Variants in ADCY2 observed in about 807,000 individuals in gnomAD.
ADCY2 encodes the protein adenylate cyclase type 2.
Under a neutral mutation model 125.2 loss-of-function variants are expected in ADCY2, and 31 were observed. The ratio of observed to expected loss-of-function variants is 0.25; its 90% confidence interval spans 0.19 to 0.33. The LOEUF is 0.33. Among genes scored for constraint, ADCY2 ranks in the 10% least tolerant of loss-of-function variants. ADCY2 has a pLI of 1.00. For synonymous variants in ADCY2, 512 were observed against 548.4 expected, an observed-to-expected ratio of 0.93 and a Z score of 0.93; for missense variants, 904 against 1,418.2, an observed-to-expected ratio of 0.64 and a Z score of 5.82.
At chr5:7,821,149 T>A (rs979255193) in intron 24 of ADCY2, among the ~76,000 whole-genome samples, 2 of 152,160 alleles carry the variant, frequency 1.3e-5, no homozygotes, top group Non-Finnish European at 2.9e-5. Context: ...AAGGTTGATA[T>A]GAATGGCAGC....
intron 11 of ADCY2, among the ~76,000 whole-genome samples, chr5:7,713,747 A>C (rs1741513407): frequency 6.6e-6 from 1 of 152,154 alleles, no homozygotes; most frequent in Non-Finnish European, 1.5e-5. Context: ...TTTGGGAGTT[A>C]ATCAAATCAA....
intron 2 of ADCY2, among the ~76,000 whole-genome samples, chr5:7,486,595 G>C (rs971507229): frequency 6.6e-6 from 1 of 152,176 alleles, no homozygotes; most frequent in Non-Finnish European, 1.5e-5. Flanking sequence ...TGTGGAAACA[G>C]ACCTTGCTTT....
In ADCY2 at chr5:7,695,906, T is replaced by C. The variant is rs972403101; in HGVS notation, c.981+43T>C. On this transcript the variant is annotated intron_variant, in intron 6 of 24. Coordinates refer to ENST00000338316, the MANE Select transcript of ADCY2 (RefSeq NM_020546.3). ...TTTTCTTCTCTGAAGATTTCTAAAC[T>C]CTTGGTTTCGTTTTTCTTCATCCAC... 4 of 1,417,962 alleles carry C rather than the reference T, an allele frequency of 2.8e-6. No homozygotes were observed. The African/African-American group carries it at 4.3e-5, about 15-fold the overall frequency. The allele number at this position is 1,417,962 out of a possible 1,614,324, so 87.8% of individuals were successfully genotyped here.
chr5:7,756,750 G>A (rs1322521587), intron 15 of ADCY2, among the ~76,000 whole-genome samples: 2 of 152,186 alleles, frequency 1.3e-5, no homozygotes, highest in Non-Finnish European at 2.9e-5. Context: ...TCCTAGAGAT[G>A]TTACACAACA....
At chr5:7,759,495 C>T (rs1436096171) in intron 16 of ADCY2, among the ~76,000 whole-genome samples, 1 of 152,220 alleles carries the variant, frequency 6.6e-6, no homozygotes, top group Non-Finnish European at 1.5e-5. Flanking sequence ...GAGGTCCTGA[C>T]AGGCCAGGTC....
intron 24 of ADCY2, 86 bp from the exon 25 acceptor site, chr5:7,826,633 C>T (rs757138900): frequency 6.4e-7 from 1 of 1,572,444 alleles, no homozygotes; most frequent in East Asian, 2.2e-5. Context: ...GAGCATGGTG[C>T]TTTTTTTAGC....
At chr5:7,643,142 C>T (rs946405105) in intron 4 of ADCY2, among the ~76,000 whole-genome samples, 2 of 150,922 alleles carry the variant, frequency 1.3e-5, no homozygotes, top group Non-Finnish European at 3.0e-5. Context: ...TTGGATTTTT[C>T]TATTTATGAA....
chr5:7,690,492 A>G, intron 4 of ADCY2, 199 bp from the exon 5 acceptor site: 1 of 387,030 alleles, frequency 2.6e-6, no homozygotes, highest in Non-Finnish European at 4.5e-6. Context: ...GCAATAAATA[A>G]TAAATAATAT....
At chr5:7,416,351 T>C (rs539613279) in intron 2 of ADCY2, among the ~76,000 whole-genome samples, 1 of 152,280 alleles carries the variant, frequency 6.6e-6, no homozygotes, top group South Asian at 2.1e-4. Context: ...ACTCTCCCAC[T>C]AGAGCCCCTT....
At chr5:7,626,124 G>A (rs1239187345) in intron 3 of ADCY2, 43 bp from the exon 4 acceptor site, 2 of 1,582,780 alleles carry the variant, frequency 1.3e-6, no homozygotes, top group Non-Finnish European at 1.7e-6. Context: ...ATTCACAAGT[G>A]AGAAACAGTT....
chr5:7,695,674 A>G, intron 5 of ADCY2, 78 bp from the exon 6 acceptor site: 2 of 832,690 alleles, frequency 2.4e-6, no homozygotes, highest in Non-Finnish European at 1.8e-6. Context: ...CATGATTTTA[A>G]TGGAAAAATT....
At chr5:7,611,920 T>G (rs1055100139) in intron 3 of ADCY2, among the ~76,000 whole-genome samples, 1 of 152,162 alleles carries the variant, frequency 6.6e-6, no homozygotes, top group Non-Finnish European at 1.5e-5. Context: ...AGACTCAAAT[T>G]AATGTGGCAG....
intron 2 of ADCY2, among the ~76,000 whole-genome samples, chr5:7,512,608 A>C (rs941644973): frequency 5.9e-5 from 9 of 152,210 alleles, no homozygotes; most frequent in African/African-American, 2.2e-4. Flanking sequence ...TGAAAATTGC[A>C]TCCACATATT....
At chr5:7,535,395 A>G (rs1162615578) in intron 3 of ADCY2, among the ~76,000 whole-genome samples, 1 of 152,204 alleles carries the variant, frequency 6.6e-6, no homozygotes, top group Non-Finnish European at 1.5e-5. Context: ...GTGTTTGAAT[A>G]AATGCATCAC....
At chr5:7,679,436 T>A (rs532471367) in intron 4 of ADCY2, among the ~76,000 whole-genome samples, 8 of 152,198 alleles carry the variant, frequency 5.3e-5, no homozygotes. Flanking sequence ...CTGAGCTTAT[T>A]TGACTGCTTC....
At position 7,770,135 on chromosome 5, in the gene ADCY2, A is replaced by G. The variant is rs115973970; in HGVS notation, c.2215-2797A>G. On this transcript the variant is annotated intron_variant, in intron 17 of 24. Coordinates refer to ENST00000338316, the MANE Select transcript of ADCY2 (RefSeq NM_020546.3). ...CATTCTAGAAAGCCATTTAACAGAA[A>G]TGGACTAAAAGTATGCTTCCCATTA... is the stretch of plus-strand genomic sequence containing the variant. Among the ~76,000 whole-genome samples, 828 of 152,330 alleles carry G rather than the reference A, an allele frequency of 5.4e-3. 6 individuals carry two copies. Among genetic ancestry groups the G allele is most frequent in the African/African-American group, 0.019 (788 of 41,566 alleles).
chr5:7,508,528 A>G (rs938013062), intron 2 of ADCY2, among the ~76,000 whole-genome samples: 1 of 152,096 alleles, frequency 6.6e-6, no homozygotes, highest in Non-Finnish European at 1.5e-5. Flanking sequence ...CAACTGTCTC[A>G]TTGTGGAAAT....
intron 2 of ADCY2, among the ~76,000 whole-genome samples, chr5:7,512,217 T>TGAAAAAAAAAAA (rs1398702717): frequency 1.1e-4 from 1 of 8,708 alleles, no homozygotes; most frequent in African/African-American, 1.0e-3. Flanking sequence ...CATGACTCCA[T>TGAAAAAAAAAAA]CAAAAAAAAA....
intron 2 of ADCY2, among the ~76,000 whole-genome samples, chr5:7,515,371 G>A (rs1744216247): frequency 6.6e-6 from 1 of 152,124 alleles, no homozygotes; most frequent in Non-Finnish European, 1.5e-5. Flanking sequence ...TTATGTTTTG[G>A]GGTAGGCAGG....
Sources: gnomAD v4.1 joint callset for allele counts (sites outside exome capture counted in the v4.1 genomes callset) on GRCh38, gnomAD v4.1.1 for gene constraint, MANE v1.5 for transcripts, NCBI Gene and HGNC (gene_info 2026-07-23, HGNC 2026-07-21) for gene names.